The following KDM4C variants were observed in gnomAD, a reference collection of about 807,000 sequenced individuals.
KDM4C encodes lysine-specific demethylase 4C.
In KDM4C, 81 loss-of-function variants were observed where a neutral mutation model predicts 129.3. That is an observed-to-expected ratio of 0.63 (90% CI 0.52 to 0.75). The LOEUF (loss-of-function observed/expected upper bound fraction) is 0.75. Among genes scored for constraint, KDM4C ranks in the 30% least tolerant of loss-of-function variants. The pLI, the probability that KDM4C is intolerant of heterozygous loss-of-function variation, is 0.00. For synonymous variants in KDM4C, 573 were observed against 456.1 expected (o/e 1.26, Z -3.26); for missense variants, 1,457 against 1,304.0 (o/e 1.12, Z -1.81).
intron 17 of KDM4C, among the ~76,000 whole-genome samples, chr9:7,073,136 C>T (rs1034468840): frequency 1.3e-5 from 2 of 152,182 alleles, no homozygotes; most frequent in African/African-American, 4.8e-5. Context: ...ACATGGGACT[C>T]TCAGGGGTGG....
At chr9:7,094,419 G>A (rs1315862416) in intron 17 of KDM4C, among the ~76,000 whole-genome samples, 1 of 152,070 alleles carries the variant, frequency 6.6e-6, no homozygotes, top group East Asian at 1.9e-4. Context: ...GACACAGGAA[G>A]GGTAAAAGGA....
At chr9:7,093,971 A>T (rs1836114131) in intron 17 of KDM4C, among the ~76,000 whole-genome samples, 1 of 152,180 alleles carries the variant, frequency 6.6e-6, no homozygotes, top group Non-Finnish European at 1.5e-5. Flanking sequence ...AGATTTATTG[A>T]AGGATAAGGG....
rs182479381 is a variant in KDM4C at position 6,963,058 on chromosome 9, T to C, written c.922-17867T>C. On this transcript the variant is annotated intron_variant, in intron 8 of 21. Transcript: ENST00000381309. ...TGAATCTTGTGTCCACCATGAACTT[T>C]ATGCAAATTACTTAATCTTTCTGTG... Among the ~76,000 whole-genome samples, 547 of 152,352 alleles carry C rather than the reference T, an allele frequency of 3.6e-3. 6 individuals are homozygous for C. The highest frequency in any genetic ancestry group is 2.5e-3 in the Non-Finnish European group (171 of 68,036).
At chr9:7,154,814 C>A (rs1324507362) in intron 19 of KDM4C, among the ~76,000 whole-genome samples, 1 of 152,140 alleles carries the variant, frequency 6.6e-6, no homozygotes, top group Non-Finnish European at 1.5e-5. Flanking sequence ...CTCCAGACAC[C>A]AGTGTCCTTG....
chr9:7,150,287 C>G (rs1842613350), intron 19 of KDM4C, among the ~76,000 whole-genome samples: 1 of 152,290 alleles, frequency 6.6e-6, no homozygotes, highest in East Asian at 1.9e-4. Flanking sequence ...CTATAATTAG[C>G]TCAGTTTGTG....
chr9:7,124,845 C>T (rs1319466861), intron 18 of KDM4C, among the ~76,000 whole-genome samples: 1 of 152,132 alleles, frequency 6.6e-6, no homozygotes, highest in East Asian at 1.9e-4. Flanking sequence ...GTGTGTGGGA[C>T]ACTAGATGAC....
At chr9:6,820,918 T>C (rs547770148) in intron 4 of KDM4C, among the ~76,000 whole-genome samples, 33 of 147,912 alleles carry the variant, frequency 2.2e-4, no homozygotes, top group African/African-American at 6.9e-4. Flanking sequence ...CCCTGCCCTG[T>C]GTCCAAGTGA....
intron 3 of KDM4C, among the ~76,000 whole-genome samples, chr9:6,809,201 G>T (rs904882253): frequency 2.6e-5 from 4 of 152,034 alleles, no homozygotes; most frequent in Non-Finnish European, 2.9e-5. Flanking sequence ...GAATTTTTTG[G>T]GTTGGTATTA....
chr9:6,726,950 G>C (rs1374276288), intron 1 of KDM4C: 1 of 152,034 alleles, frequency 6.6e-6, no homozygotes, highest in Non-Finnish European at 1.5e-5. Flanking sequence ...GGCCAGGCTG[G>C]TCTCAAACTC....
chr9:6,982,178 T>C (rs567245070), intron 9 of KDM4C: 57 of 152,126 alleles, frequency 3.7e-4, no homozygotes, highest in African/African-American at 1.2e-3. Context: ...CACCATAATT[T>C]TACATCTTTG....
chr9:6,807,325 GTC>G (rs1588410527), intron 3 of KDM4C, among the ~76,000 whole-genome samples: 1 of 149,974 alleles, frequency 6.7e-6, no homozygotes, highest in Admixed American at 6.6e-5. Context: ...AGTGAGGAGT[GTC>G]TCTGCCTGGC....
chr9:6,881,438 G>GT (rs1188172374), intron 6 of KDM4C, among the ~76,000 whole-genome samples: 1 of 152,154 alleles, frequency 6.6e-6, no homozygotes, highest in Non-Finnish European at 1.5e-5. Flanking sequence ...GATGATTACT[G>GT]TAACACTTAA....
At chr9:7,141,190 C>G (rs1323869851) in intron 19 of KDM4C, among the ~76,000 whole-genome samples, 1 of 152,064 alleles carries the variant, frequency 6.6e-6, no homozygotes. Flanking sequence ...CAGGGGTGTC[C>G]AAAGAAGAGA....
At chr9:7,052,012 C>T (rs988560290) in intron 17 of KDM4C, among the ~76,000 whole-genome samples, 5 of 152,214 alleles carry the variant, frequency 3.3e-5, no homozygotes, top group East Asian at 1.9e-4. Context: ...TAAGAATCCA[C>T]GGGTCTACAG....
chr9:6,953,299 T>C (rs1248232749), intron 8 of KDM4C, among the ~76,000 whole-genome samples: 1 of 152,242 alleles, frequency 6.6e-6, no homozygotes, highest in Non-Finnish European at 1.5e-5. Flanking sequence ...GCAGTTTTGA[T>C]TCTCATGGAG....
chr9:6,785,612 C>T (rs1310444712), intron 1 of KDM4C, among the ~76,000 whole-genome samples: 2 of 152,238 alleles, frequency 1.3e-5, no homozygotes, highest in South Asian at 2.1e-4. Context: ...GCTGGGATTA[C>T]AGGCATGAGC....
chr9:6,814,954 C>G (rs769393067), intron 4 of KDM4C: 1 of 398,666 alleles, frequency 2.5e-6, no homozygotes, highest in Non-Finnish European at 4.4e-6. Flanking sequence ...TGAAATTGTT[C>G]AGTAGTAACA....
At chr9:7,146,156 T>C (rs923977195) in intron 19 of KDM4C, among the ~76,000 whole-genome samples, 2 of 152,232 alleles carry the variant, frequency 1.3e-5, no homozygotes, top group Admixed American at 6.5e-5. Context: ...CAAAATTGTA[T>C]GTACAGTAAG....
intron 17 of KDM4C, among the ~76,000 whole-genome samples, chr9:7,072,811 G>T (rs1294060292): frequency 6.6e-6 from 1 of 152,130 alleles, no homozygotes; most frequent in African/African-American, 2.4e-5. Context: ...TGTTTTTAAA[G>T]ATTTCATTTA....
Sources: gnomAD v4.1 joint callset for allele counts (sites outside exome capture counted in the v4.1 genomes callset) on GRCh38, gnomAD v4.1.1 for gene constraint, MANE v1.5 for transcripts, NCBI Gene and HGNC (gene_info 2026-07-23, HGNC 2026-07-21) for gene names.